The following PNLIP variants were observed in gnomAD, a reference collection of about 807,000 sequenced individuals.
PNLIP encodes the protein pancreatic lipase.
A neutral mutation model predicts 57.1 loss-of-function variants in PNLIP; 49 were observed. The ratio of observed to expected loss-of-function variants is 0.86; its 90% CI spans 0.68 to 1.09. The LOEUF (loss-of-function observed/expected upper bound fraction) is 1.09. Ranked by LOEUF, PNLIP falls within the 50% of genes least tolerant of loss-of-function variation. PNLIP has a pLI of 0.00. For missense variants in PNLIP, 503 were observed against 570.2 expected, an observed-to-expected ratio of 0.88 and a Z score of 1.20; for synonymous variants, 209 against 200.4, an observed-to-expected ratio of 1.04 and a Z score of -0.36.
chr10:116,551,538 TTAATC>T (rs1290379477), intron 5 of PNLIP, among the ~76,000 whole-genome samples: 1 of 152,242 alleles, frequency 6.6e-6, no homozygotes, highest in Non-Finnish European at 1.5e-5. Flanking sequence ...AACCTTAAGA[TTAATC>T]TAGTTTTATT....
At chr10:116,556,414 G>A (rs1297122413) in intron 9 of PNLIP, among the ~76,000 whole-genome samples, 1 of 152,124 alleles carries the variant, frequency 6.6e-6, no homozygotes, top group African/African-American at 2.4e-5. Flanking sequence ...ATGGAAATCT[G>A]AGCAATATCT....
At chr10:116,561,298 A>G (rs1278791766) in intron 11 of PNLIP, among the ~76,000 whole-genome samples, 174 bp from the exon 12 acceptor site, 1 of 152,218 alleles carries the variant, frequency 6.6e-6, no homozygotes, top group African/African-American at 2.4e-5. Context: ...AATTTGTTTA[A>G]TATGTTAGAA....
chr10:116,546,332 G>C (rs562951842), intron 2 of PNLIP, among the ~76,000 whole-genome samples, 194 bp downstream of exon 2: 20 of 152,114 alleles, frequency 1.3e-4, no homozygotes, highest in Admixed American at 3.9e-4. Flanking sequence ...AGTTAAATTT[G>C]AATTTCAGAT....
intron 12 of PNLIP, among the ~76,000 whole-genome samples, chr10:116,567,144 C>CTTTCTTTCTTTCTTTCTTTCTTTTA (rs1564728825): frequency 7.8e-6 from 1 of 128,882 alleles, no homozygotes; most frequent in African/African-American, 2.9e-5. Flanking sequence ...TCTTTCTTTT[C>CTTTCTTTCTTTCTTTCTTTCTTTTA]TTCTCTTTCT....
In PNLIP at chr10:116,555,258, G is replaced by A. The variant is rs1589556653; in HGVS notation, c.652G>A (p.Val218Ile). ...LDPSDAKFVDVIHTDGAPIVP... is the reference protein window; with the variant it reads ...LDPSDAKFVDIIHTDGAPIVP... ...CCCCAGCGATGCCAAATTTGTGGAT[G>A]TAATTCACACGGATGGTGCCCCCAT... is the stretch of plus-strand genomic sequence containing the variant. The change falls in exon 7 of 13, where the codon GTA (valine) becomes ATA (isoleucine). Residue 218 changes from valine to isoleucine, a missense_variant. By Grantham distance (29) the Val-to-Ile change is conservative. Coordinates refer to ENST00000369221, the MANE Select transcript of PNLIP (RefSeq NM_000936.4). The A allele has an allele frequency of 6.2e-7, 1 of 1,614,188 alleles. No individual in the cohort carries two copies. The highest frequency in any genetic ancestry group is 2.2e-5 in the East Asian group (1 of 44,886).
rs751479701 is a variant in PNLIP at position 116,560,513 on chromosome 10, T to C, written c.1158T>C (p.Tyr386=). 10 of 1,524,850 alleles carry C rather than the reference T, an allele frequency of 6.6e-6. No individual in the cohort carries two copies. The highest frequency in any genetic ancestry group is 1.2e-5 in the South Asian group (1 of 85,938). 94.5% of individuals were successfully genotyped at this position (1,524,850 alleles called of 1,614,324 possible). A position where few individuals can be genotyped will look rare whatever the true frequency, so the allele number is the denominator to read the frequency against. Residue 386 remains tyrosine (Y), a synonymous_variant, in exon 11 of 13, where the codon TAT becomes TAC. Transcript: ENST00000369221. ...GAAATAAAGGAAACTCTAAGCAGTA[T>C]GAAATTTTCAAGTGAGTAAAATAAT... ...LFGNKGNSKQ[Y]EIFKGTLKPD...
chr10:116,548,208 A>T, intron 3 of PNLIP, 152 bp from the exon 4 acceptor site: 1 of 656,494 alleles, frequency 1.5e-6, no homozygotes, highest in South Asian at 2.2e-5. Context: ...CAACATGATG[A>T]TGATAGTGAA....
chr10:116,556,240 T>C (rs921887157), intron 9 of PNLIP, 122 bp downstream of exon 9: 2 of 647,366 alleles, frequency 3.1e-6, no homozygotes, highest in African/African-American at 1.8e-5. Flanking sequence ...TACATGCCTT[T>C]AATTATATGT....
intron 9 of PNLIP, among the ~76,000 whole-genome samples, chr10:116,558,586 T>C (rs984838738): frequency 1.4e-5 from 2 of 147,708 alleles, no homozygotes; most frequent in Admixed American, 6.8e-5. Flanking sequence ...AGAAGATAGA[T>C]ACACACACAC....
chr10:116,549,488 AC>A, intron 4 of PNLIP, among the ~76,000 whole-genome samples: 1 of 151,708 alleles, frequency 6.6e-6, no homozygotes, highest in Non-Finnish European at 1.5e-5. Flanking sequence ...CAAAAAAAAA[AC>A]AAAAAAAGAC....
At chr10:116,550,988 AT>A in intron 4 of PNLIP, 109 bp from the exon 5 acceptor site, 1 of 862,392 alleles carries the variant, frequency 1.2e-6, no homozygotes, top group South Asian at 2.8e-5. Context: ...TAGGGTTAAA[AT>A]GACATTGTGT....
At chr10:116,558,586 T>TAC (rs200473025) in intron 9 of PNLIP, among the ~76,000 whole-genome samples, 3,425 of 147,688 alleles carry the variant, frequency 0.023, 64 homozygotes, top group East Asian at 0.06. Context: ...AGAAGATAGA[T>TAC]ACACACACAC....
Position 116,548,418 on chromosome 10 carries a change from C to G in PNLIP, c.260C>G (p.Thr87Ser). The G allele has an allele frequency of 6.2e-7, 1 of 1,614,068 alleles. No individual in the cohort carries two copies. The highest frequency in any genetic ancestry group is 8.5e-7 in the Non-Finnish European group (1 of 1,179,924). The change falls in exon 4 of 13, where the codon ACT (threonine) becomes AGT (serine). Residue 87 changes from threonine (T) to serine (S), a missense_variant. Physicochemically the swap from Thr to Ser is moderately conservative, Grantham distance 58. Transcript: ENST00000369221. ...TCCAATTTCAAAACAAATAGAAAAA[C>G]TCGCTTTATTATTCATGGATTCATA... ...SGSNFKTNRK[T>S]RFIIHGFIDK...
At chr10:116,557,750 A>AC (rs1847267941) in intron 9 of PNLIP, among the ~76,000 whole-genome samples, 1 of 152,126 alleles carries the variant, frequency 6.6e-6, no homozygotes, top group South Asian at 2.1e-4. Flanking sequence ...GAATTGGGAC[A>AC]CTTGTCCTGC....
intron 3 of PNLIP, among the ~76,000 whole-genome samples, chr10:116,547,871 ATTAC>A (rs1174539860): frequency 6.6e-6 from 1 of 152,044 alleles, no homozygotes; most frequent in African/African-American, 2.4e-5. Flanking sequence ...GAGCTTAGGT[ATTAC>A]TTAATGTAAA....
intron 3 of PNLIP, among the ~76,000 whole-genome samples, chr10:116,548,068 TACACACACGC>T (rs1002642338): frequency 3.0e-4 from 45 of 152,006 alleles, no homozygotes; most frequent in African/African-American, 9.2e-4. Context: ...CATATAAAAA[TACACACACGC>T]ACACACACAC....
intron 12 of PNLIP, among the ~76,000 whole-genome samples, chr10:116,567,509 T>C (rs1847382529): frequency 1.3e-5 from 2 of 152,206 alleles, no homozygotes; most frequent in African/African-American, 4.8e-5. Context: ...TTGGGGCGTC[T>C]ACTGACAGCT....
At chr10:116,565,649 G>A (rs551498797) in intron 12 of PNLIP, among the ~76,000 whole-genome samples, 4 of 151,806 alleles carry the variant, frequency 2.6e-5, no homozygotes, top group African/African-American at 9.7e-5. Context: ...TAGTATAAGT[G>A]GGATTTCACC....
intron 5 of PNLIP, among the ~76,000 whole-genome samples, chr10:116,553,451 T>C (rs1475698599): frequency 6.6e-6 from 1 of 152,168 alleles, no homozygotes; most frequent in African/African-American, 2.4e-5. Context: ...TAGGTTTAGA[T>C]ATATTTGGAT....
Sources: allele counts gnomAD v4.1 joint callset (sites outside exome capture counted in the v4.1 genomes callset), GRCh38; gene constraint gnomAD v4.1.1; transcripts MANE v1.5; gene names NCBI Gene and HGNC (gene_info 2026-07-23, HGNC 2026-07-21).